The following PTPRM variants were observed in gnomAD, a reference collection of about 807,000 sequenced individuals.
The protein encoded by PTPRM is protein tyrosine phosphatase receptor type M.
Under a neutral mutation model 186.7 loss-of-function variants are expected in PTPRM, and 47 were observed. That is an observed-to-expected ratio of 0.25 (90% CI 0.20 to 0.32). The LOEUF is 0.32. Among genes scored for constraint, PTPRM ranks in the 10% least tolerant of loss-of-function variants. The pLI is 1.00. For missense variants in PTPRM, 1,494 were observed against 1,865.0 expected (o/e 0.80, Z 3.66); for synonymous variants, 668 against 674.9 (o/e 0.99, Z 0.16).
intron 2 of PTPRM, among the ~76,000 whole-genome samples, chr18:7,836,020 G>C (rs1453671495): frequency 1.3e-5 from 2 of 152,072 alleles, no homozygotes; most frequent in African/African-American, 4.8e-5. Context: ...GTAGGCAACA[G>C]ATTATTGAGT....
intron 22 of PTPRM, among the ~76,000 whole-genome samples, chr18:8,336,316 T>C (rs756618265): frequency 4.6e-5 from 7 of 152,084 alleles, no homozygotes; most frequent in Non-Finnish European, 8.8e-5. Flanking sequence ...CCCAGCACTT[T>C]GAGATGATGA....
intron 14 of PTPRM, among the ~76,000 whole-genome samples, chr18:8,158,947 C>T (rs937687707): frequency 1.1e-4 from 16 of 152,134 alleles, no homozygotes; most frequent in Non-Finnish European, 1.9e-4. Context: ...CCCACCCAGC[C>T]CACCTCCACT....
intron 2 of PTPRM, among the ~76,000 whole-genome samples, chr18:7,862,533 C>T (rs1462290557): frequency 6.6e-6 from 1 of 152,102 alleles, no homozygotes; most frequent in African/African-American, 2.4e-5. Context: ...TCCATGGACA[C>T]CTCCCAGGGA....
chr18:8,119,653 C>T (rs1268566112), intron 13 of PTPRM, among the ~76,000 whole-genome samples: 1 of 152,056 alleles, frequency 6.6e-6, no homozygotes, highest in Non-Finnish European at 1.5e-5. Flanking sequence ...AGAAAAGAAT[C>T]CGGAAAAACC....
intron 4 of PTPRM, among the ~76,000 whole-genome samples, chr18:7,917,169 G>A (rs547379325): frequency 1.3e-5 from 2 of 152,294 alleles, no homozygotes; most frequent in East Asian, 3.9e-4. Flanking sequence ...GTAAAAATGT[G>A]AATTGTTATA....
At chr18:7,940,903 G>C (rs765041496) in intron 5 of PTPRM, among the ~76,000 whole-genome samples, 2 of 152,076 alleles carry the variant, frequency 1.3e-5, no homozygotes, top group African/African-American at 2.4e-5. Flanking sequence ...TAGGAATTAT[G>C]GGGTGCTGTC....
intron 14 of PTPRM, among the ~76,000 whole-genome samples, chr18:8,196,941 C>T (rs7242256): frequency 0.37 from 55,551 of 151,976 alleles, 11,020 homozygotes; most frequent in East Asian, 0.81. Flanking sequence ...AACAGGCAAA[C>T]GGAAGAACCA....
chr18:7,956,909 C>A lies in PTPRM; in HGVS notation c.1132+1495C>A, dbSNP rs1037540489. On this transcript the variant is annotated intron_variant, in intron 7 of 32. Transcript: ENST00000580170. ...CCACTGCCTTATGAATTCTCCAGGG[C>A]AGGTTCTTTGATCCCCATAATACAG... Among the ~76,000 whole-genome samples, 9 of 152,194 alleles carry A rather than the reference C, an allele frequency of 5.9e-5. 1 individual carries two copies. The highest frequency in any genetic ancestry group is 4.6e-4 in the Admixed American group (7 of 15,286).
At chr18:8,100,418 G>A (rs1380853740) in intron 11 of PTPRM, among the ~76,000 whole-genome samples, 1 of 152,156 alleles carries the variant, frequency 6.6e-6, no homozygotes, top group Non-Finnish European at 1.5e-5. Flanking sequence ...TGAGATTACA[G>A]GTGTGAGCCG....
rs77638501 is a variant in PTPRM at position 7,976,882 on chromosome 18, C to G, written c.1132+21468C>G. Among the ~76,000 whole-genome samples, 9 of 149,698 alleles carry G rather than the reference C, an allele frequency of 6.0e-5. No individual in the cohort carries two copies. The East Asian group carries it at 1.6e-3, about 26-fold the overall frequency. ...AGTAAATGTATTCGTTTGTTAAGTACTATCAGTCAGAATTGAGATCTGCAA... is the reference window on the plus strand; with the variant it reads ...AGTAAATGTATTCGTTTGTTAAGTAGTATCAGTCAGAATTGAGATCTGCAA... On this transcript the variant is annotated intron_variant, in intron 7 of 32. Coordinates refer to ENST00000580170, the MANE Select transcript of PTPRM (RefSeq NM_001105244.2).
At chr18:8,056,525 G>A (rs2087955780) in intron 7 of PTPRM, among the ~76,000 whole-genome samples, 1 of 152,056 alleles carries the variant, frequency 6.6e-6, no homozygotes, top group Non-Finnish European at 1.5e-5. Context: ...AGGAGGCTGA[G>A]GCAGGAGAAT....
At chr18:7,618,537 A>G (rs1489288018) in intron 1 of PTPRM, among the ~76,000 whole-genome samples, 3 of 152,240 alleles carry the variant, frequency 2.0e-5, no homozygotes, top group Non-Finnish European at 2.9e-5. Flanking sequence ...AAAAAGCAAT[A>G]CAAAAAACCT....
chr18:8,059,216 A>G (rs996331019), intron 7 of PTPRM, among the ~76,000 whole-genome samples: 4 of 142,870 alleles, frequency 2.8e-5, no homozygotes, highest in African/African-American at 1.1e-4. Flanking sequence ...CTTTGAAGCA[A>G]TTGTGAATGG....
chr18:7,567,627 GA>G lies in PTPRM; in HGVS notation c.-191del. Reference sequence around the variant, plus strand: ...CCAGGGACAGGGGAGGAGGACCCAGGACCCTGTGCCCGCGCCCCTGGAGCCG... The same window carrying G: ...CCAGGGACAGGGGAGGAGGACCCAGGCCCTGTGCCCGCGCCCCTGGAGCCG... On this transcript the variant is annotated 5_prime_UTR_variant, in exon 1 of 33. Transcript: ENST00000580170. The surrounding 1 kb of genome is among the most constrained non-coding windows in gnomAD (Gnocchi z 4.3). 1 of 510,242 alleles carries G rather than the reference GA, an allele frequency of 2.0e-6. No homozygotes were observed. Among genetic ancestry groups the G allele is most frequent in the Non-Finnish European group, 3.4e-6 (1 of 295,644 alleles). The allele number at this position is 510,242 out of a possible 1,614,324, so 31.6% of individuals were successfully genotyped here.
intron 4 of PTPRM, among the ~76,000 whole-genome samples, chr18:7,916,357 C>T (rs1166739485): frequency 6.6e-6 from 1 of 152,158 alleles, no homozygotes; most frequent in Non-Finnish European, 1.5e-5. Context: ...ATTTTTTTAA[C>T]TCTTATAACG....
intron 7 of PTPRM, among the ~76,000 whole-genome samples, chr18:8,017,240 A>G (rs1179243683): frequency 1.3e-5 from 2 of 152,142 alleles, no homozygotes; most frequent in Non-Finnish European, 2.9e-5. Flanking sequence ...TTATACTTGT[A>G]TAGTATAAAA....
At chr18:7,853,190 T>C (rs1217277091) in intron 2 of PTPRM, among the ~76,000 whole-genome samples, 1 of 152,246 alleles carries the variant, frequency 6.6e-6, no homozygotes. Context: ...TGGAAAAATA[T>C]TGATACTGAT....
chr18:8,028,096 G>A (rs371107163), intron 7 of PTPRM, among the ~76,000 whole-genome samples: 42 of 152,112 alleles, frequency 2.8e-4, no homozygotes, highest in Non-Finnish European at 5.1e-4. Flanking sequence ...TCCGCCTCCC[G>A]AGCTCAAGCC....
chr18:7,741,299 G>C (rs1412555951), intron 1 of PTPRM: 1 of 152,188 alleles, frequency 6.6e-6, no homozygotes. Context: ...GAGAATGCAA[G>C]GTGGTAGGCG....
Sources: gnomAD v4.1 joint callset for allele counts (sites outside exome capture counted in the v4.1 genomes callset) on GRCh38, gnomAD v4.1.1 for gene constraint, Gnocchi (gnomAD v3.1) non-coding constraint, MANE v1.5 for transcripts, NCBI Gene and HGNC (gene_info 2026-07-23, HGNC 2026-07-21) for gene names.